Variants in ADAP1 observed in about 807,000 individuals in gnomAD.
The protein encoded by ADAP1 is ArfGAP with dual PH domains 1, also known as arf-GAP with dual PH domain-containing protein 1.
Under a neutral mutation model 54.9 loss-of-function variants are expected in ADAP1, and 31 were observed. The observed-to-expected ratio is 0.56, with a 90% confidence interval of 0.42 to 0.76. The LOEUF is 0.76. Among genes scored for constraint, ADAP1 ranks in the 30% least tolerant of loss-of-function variants. The pLI, the probability that ADAP1 is intolerant of heterozygous loss-of-function variation, is 0.00. For missense variants in ADAP1, 535 were observed against 512.4 expected (o/e 1.04, Z -0.42); for synonymous variants, 313 against 202.6 (o/e 1.55, Z -4.63).
chr7:914,014 C>T (rs1269829971), intron 4 of ADAP1, among the ~76,000 whole-genome samples: 4 of 152,220 alleles, frequency 2.6e-5, no homozygotes, highest in East Asian at 1.9e-4. Context: ...AGTGGGGCTC[C>T]GCCTTCCTCA....
chr7:899,840 G>A (rs1844698453), intron 8 of ADAP1, among the ~76,000 whole-genome samples: 1 of 152,178 alleles, frequency 6.6e-6, no homozygotes, highest in East Asian at 1.9e-4. Flanking sequence ...ATGGCAAGAT[G>A]TGGGCCCCTG....
At position 898,480 on chromosome 7, in the gene ADAP1, A is replaced by G. The variant is rs1469039532; in HGVS notation, c.*441T>C. 2.5e-5 allele frequency: 6 copies of G among 238,394 alleles called. No individual in the cohort carries two copies. Among genetic ancestry groups the G allele is most frequent in the African/African-American group, 6.9e-5 (3 of 43,384 alleles). The allele number at this position is 238,394 out of a possible 1,614,324, so 14.8% of individuals were successfully genotyped here. On this transcript the variant is annotated 3_prime_UTR_variant, in exon 11 of 11. Transcript: ENST00000265846. ...AATAAATAGTCGTGGAGGTGGGGGG[A>G]GGGCGGGGCGGCATGCGAGCAGGGC... is the stretch of plus-strand genomic sequence containing the variant.
intron 7 of ADAP1, 122 bp from the exon 8 acceptor site, chr7:900,286 T>A: frequency 1.6e-6 from 2 of 1,229,182 alleles, no homozygotes; most frequent in Non-Finnish European, 2.3e-6. Flanking sequence ...AGGCCTGGCT[T>A]AGCCTCCGCA....
rs1056886634 is a variant in ADAP1 at position 926,325 on chromosome 7, A to G, written c.305+228T>C. On this transcript the variant is annotated intron_variant, in intron 3 of 10. Transcript: ENST00000265846. The surrounding 1 kb of genome is among the most constrained non-coding windows in gnomAD (Gnocchi z 4.6). ...CTGGGTGGGCTGTAGCTACTGATGC[A>G]CAATGACCTTCCCAGCCCCACCCCA... Among the ~76,000 whole-genome samples, 1 of 127,134 alleles carries G rather than the reference A, an allele frequency of 7.9e-6. No homozygotes were observed. The highest frequency in any genetic ancestry group is 1.8e-5 in the Non-Finnish European group (1 of 56,856). The allele number at this position is 127,134 out of a possible 152,430, so 83.4% of individuals were successfully genotyped here.
intron 2 of ADAP1, among the ~76,000 whole-genome samples, chr7:931,220 A>C (rs1247541457): frequency 6.6e-6 from 1 of 152,166 alleles, no homozygotes; most frequent in Non-Finnish European, 1.5e-5. Context: ...GACGGTGCTC[A>C]AAGGTGGGAG....
intron 4 of ADAP1, among the ~76,000 whole-genome samples, chr7:916,589 G>A (rs1230476397): frequency 6.6e-6 from 1 of 152,164 alleles, no homozygotes; most frequent in Non-Finnish European, 1.5e-5. Flanking sequence ...TGGAGCGAGG[G>A]GTGTGCTGGG....
rs949845872 is a variant in ADAP1, at chr7:938,159, T to G, written c.83-2654A>C. 4.0e-5 allele frequency among the ~76,000 whole-genome samples: 6 copies of G among 151,122 alleles called. No individual in the cohort carries two copies. Among genetic ancestry groups the G allele is most frequent in the South Asian group, 4.4e-4 (2 of 4,522 alleles). ...TCAGCCGTTGTTTGGTTTTGCGGGG[T>G]TTTTTTTGTCTTGTATTGTATTGTT... On this transcript the variant is annotated intron_variant, in intron 1 of 10. Coordinates refer to ENST00000265846, the MANE Select transcript of ADAP1 (RefSeq NM_006869.4). The surrounding 1 kb of genome is among the most constrained non-coding windows in gnomAD (Gnocchi z 4.4).
chr7:946,213 C>T lies in ADAP1; in HGVS notation c.82+8183G>A, dbSNP rs1451288746. Among the ~76,000 whole-genome samples, 1 of 152,116 alleles carries T rather than the reference C, an allele frequency of 6.6e-6. No individual in the cohort carries two copies. ...CACCTCCGTGTTTTCCGCATATTGT[C>T]TCCCAGTTACCCGTGGCCCCTGCAG... is the stretch of plus-strand genomic sequence containing the variant. On this transcript the variant is annotated intron_variant, in intron 1 of 10. Transcript: ENST00000265846. This position sits in a 1 kb window ranked among gnomAD's most constrained non-coding sequence, Gnocchi z 4.3.
chr7:952,407 C>T (rs769793642), intron 1 of ADAP1, among the ~76,000 whole-genome samples: 26 of 152,188 alleles, frequency 1.7e-4, no homozygotes, highest in Non-Finnish European at 3.7e-4. Flanking sequence ...GACAGCAGAA[C>T]GTGCCGGCCA....
At position 920,968 on chromosome 7, in the gene ADAP1, C is replaced by T. The variant is rs1233856425; in HGVS notation, c.306-918G>A. On this transcript the variant is annotated intron_variant, in intron 3 of 10. Transcript: ENST00000265846. The surrounding 1 kb of genome is among the most constrained non-coding windows in gnomAD (Gnocchi z 4.5). ...GCCTTGGAGACTGGGCGGGAATCCT[C>T]GCCCACAGGATCTGATGGGTGATGG... is the stretch of plus-strand genomic sequence containing the variant. 5.3e-6 allele frequency: 6 copies of T among 1,141,846 alleles called. No homozygotes were observed. The highest frequency in any genetic ancestry group is 7.5e-6 in the Non-Finnish European group (6 of 798,404). The allele number at this position is 1,141,846 out of a possible 1,614,324, so 70.7% of individuals were successfully genotyped here.
chr7:938,810 C>G lies in ADAP1; in HGVS notation c.83-3305G>C, dbSNP rs779367932. On this transcript the variant is annotated intron_variant, in intron 1 of 10. Transcript: ENST00000265846. This position sits in a 1 kb window ranked among gnomAD's most constrained non-coding sequence, Gnocchi z 4.4. The stretch of plus-strand genomic sequence containing the variant: ...GCATGGCAATGCTGTTGGTTCTGCT[C>G]CGACAGTGTGGACCACGGACCCAGG... Among the ~76,000 whole-genome samples, 3 of 152,234 alleles carry G rather than the reference C, an allele frequency of 2.0e-5. No homozygotes were observed. The highest frequency in any genetic ancestry group is 4.8e-5 in the African/African-American group (2 of 41,454).
At chr7:911,279 G>C (rs866071505) in intron 4 of ADAP1, among the ~76,000 whole-genome samples, 80 of 152,224 alleles carry the variant, frequency 5.3e-4, no homozygotes, top group African/African-American at 1.8e-3. Flanking sequence ...CATGGGGCCC[G>C]GCCCCCGACA....
At chr7:944,903 CG>C (rs971797732) in intron 1 of ADAP1, among the ~76,000 whole-genome samples, 20 of 151,784 alleles carry the variant, frequency 1.3e-4, no homozygotes, top group Middle Eastern at 3.4e-3. Flanking sequence ...GGGAAGAGCC[CG>C]GGGGGGTGAC....
chr7:920,892 G>C lies in ADAP1; in HGVS notation c.306-842C>G. On this transcript the variant is annotated intron_variant, in intron 3 of 10. Transcript: ENST00000265846. The surrounding 1 kb of genome is among the most constrained non-coding windows in gnomAD (Gnocchi z 4.5). ...CTTTTCCACTCCCAGGGAATTACGC[G>C]GCAAAGAACAAATAGGAACCCTGTG... 1 of 1,549,114 alleles carries C rather than the reference G, an allele frequency of 6.5e-7. No homozygotes were observed. The highest frequency in any genetic ancestry group is 8.7e-7 in the Non-Finnish European group (1 of 1,146,214).
At chr7:905,784 GAGAAAGGA>G (rs1845223870) in intron 4 of ADAP1, among the ~76,000 whole-genome samples, 2 of 60,408 alleles carry the variant, frequency 3.3e-5, no homozygotes, top group Admixed American at 1.7e-4. Flanking sequence ...AAGGAGAAAG[GAGAAAGGA>G]GAAAGGAGAA....
chr7:900,716 A>G (rs1477589392), intron 6 of ADAP1, 100 bp from the exon 7 acceptor site: 7 of 1,043,102 alleles, frequency 6.7e-6, no homozygotes, highest in Admixed American at 2.2e-5. Context: ...CTTCCCCCAG[A>G]GCCCAGCCCC....
chr7:941,448 G>A (rs781482743), intron 1 of ADAP1, among the ~76,000 whole-genome samples: 3 of 152,098 alleles, frequency 2.0e-5, no homozygotes, highest in Non-Finnish European at 4.4e-5. Context: ...GAACTAACAA[G>A]TTTAGCAAGG....
intron 4 of ADAP1, among the ~76,000 whole-genome samples, chr7:909,754 G>C (rs920969760): frequency 1.6e-4 from 24 of 152,194 alleles, no homozygotes; most frequent in African/African-American, 5.8e-4. Flanking sequence ...TAAAGGACTC[G>C]TGAGTCCTGG....
intron 1 of ADAP1, among the ~76,000 whole-genome samples, chr7:950,467 C>CTG (rs1847239447): frequency 7.7e-6 from 1 of 129,526 alleles, no homozygotes; most frequent in African/African-American, 3.1e-5. Flanking sequence ...GCCTGGGCGA[C>CTG]AGAATGAGAC....
Sources: allele counts gnomAD v4.1 joint callset (sites outside exome capture counted in the v4.1 genomes callset), GRCh38; gene constraint gnomAD v4.1.1; non-coding constraint Gnocchi (gnomAD v3.1); transcripts MANE v1.5; gene names NCBI Gene and HGNC (gene_info 2026-07-23, HGNC 2026-07-21).